The following CEP131 variants were observed in gnomAD, a reference collection of about 807,000 sequenced individuals.
CEP131 encodes centrosomal protein 131.
In CEP131, 99 loss-of-function variants were observed where a neutral mutation model predicts 136.8. The observed-to-expected ratio is 0.72, with a 90% CI of 0.62 to 0.86. CEP131 has a LOEUF of 0.86. CEP131 is among the 40% of genes least tolerant of loss of function. The probability of loss-of-function intolerance (pLI) is 0.00; values close to 1 mark genes in which losing one functional copy is unlikely to be tolerated. For synonymous variants in CEP131, 646 were observed against 612.7 expected (o/e 1.05, Z -0.80); for missense variants, 1,459 against 1,463.0 (o/e 1.00, Z 0.04).
chr17:81,220,355 C>T (rs1431898127), intron 1 of CEP131, among the ~76,000 whole-genome samples: 1 of 152,214 alleles, frequency 6.6e-6, no homozygotes, highest in Non-Finnish European at 1.5e-5. Flanking sequence ...AAGCCAGCAG[C>T]ACCCCAGAGG....
intron 10 of CEP131, 46 bp from the exon 11 acceptor site, chr17:81,199,017 C>T (rs1476266331): frequency 2.3e-5 from 34 of 1,453,124 alleles, no homozygotes; most frequent in Admixed American, 1.3e-4. Context: ...CATCCCGGGG[C>T]GGGCAGCAAC....
Position 81,199,774 on chromosome 17 carries a change from G to T in CEP131, c.968C>A (p.Ala323Asp). The T allele has an allele frequency of 6.2e-7, 1 of 1,611,530 alleles. No homozygotes were observed. The highest frequency in any genetic ancestry group is 8.5e-7 in the Non-Finnish European group (1 of 1,179,986). ...LLDLHQQKEA[A>D]RRKAREEKAR... ...CTTCTCCTCCCGGGCCTTCCTCCTG[G>T]CTGCCTCTTTCTGCTGGTGCAGGTC... The change falls in exon 9 of 26, where the codon GCC (alanine) becomes GAC (aspartate). Residue 323 changes from alanine to aspartate, a missense_variant. Physicochemically the swap from Ala to Asp is moderately radical, Grantham distance 126 (BLOSUM62 -2). This residue lies in a region of CEP131 where 246 missense variants were observed against 318.9 expected (regional missense o/e 0.77). Coordinates refer to ENST00000450824, the MANE Select transcript of CEP131 (RefSeq NM_014984.4).
rs759394551 is a variant in CEP131 at position 81,206,829 on chromosome 17, T to C, written c.430A>G (p.Ser144Gly). 1.9e-6 allele frequency: 3 copies of C among 1,614,052 alleles called. No individual in the cohort carries two copies. Among genetic ancestry groups the C allele is most frequent in the Non-Finnish European group, 2.5e-6 (3 of 1,180,018 alleles). Residue 144 changes from serine (S) to glycine (G), a missense_variant, in exon 5 of 26, where the codon AGT becomes GGT. By Grantham distance (56) the Ser-to-Gly change is moderately conservative (BLOSUM62 0). This residue lies in a region of CEP131 where 246 missense variants were observed against 318.9 expected (regional missense o/e 0.77). Transcript: ENST00000450824. ...RGFTLPSNAR[S>G]SSALDSPAGP... ...GCTGGTGAGTCAAGGGCACTGGAAC[T>C]CCGGGCATTGGATGGCAAGGTGAAG... is the stretch of plus-strand genomic sequence containing the variant.
chr17:81,204,396 C>T (rs9912789), intron 5 of CEP131, among the ~76,000 whole-genome samples: 66,321 of 151,910 alleles, frequency 0.44, 14,933 homozygotes, highest in Non-Finnish European at 0.49. Context: ...GGACTCGAAC[C>T]CTGGGGCGGG....
In CEP131 at chr17:81,191,221, C is replaced by T. The variant is rs1182435903; in HGVS notation, c.2737G>A (p.Glu913Lys). The T allele has an allele frequency of 2.0e-5, 32 of 1,613,040 alleles. No individual in the cohort carries two copies. Among genetic ancestry groups the T allele is most frequent in the Non-Finnish European group, 2.6e-5 (31 of 1,179,966 alleles). ...RLEADMALAK[E>K]ESEKAAESRI... is the part of the protein sequence containing the mutation. ...CTCTCGGCAGCCTTCTCACTCTCCT[C>T]CTTGGCCAGCGCCATGTCGGCCTCC... The change falls in exon 22 of 26, where the codon GAG becomes AAG. Residue 913 changes from glutamate to lysine, a missense_variant. This residue lies in a region of CEP131 where 1,026 missense variants were observed against 964.2 expected (regional missense o/e 1.06). Transcript: ENST00000450824.
In CEP131 at chr17:81,215,277, G is replaced by A. The variant is rs920374668; in HGVS notation, c.177+4603C>T. On this transcript the variant is annotated intron_variant, in intron 2 of 25. Coordinates refer to ENST00000450824, the MANE Select transcript of CEP131 (RefSeq NM_014984.4). This position sits in a 1 kb window ranked among gnomAD's most constrained non-coding sequence, Gnocchi z 4.1. ...ACTCGGCTAATTTTTTAATTTTTTT[G>A]TAGAGACAGGGGTCTCACTATGTTG... is the stretch of plus-strand genomic sequence containing the variant. Among the ~76,000 whole-genome samples the A allele has an allele frequency of 6.0e-5, 9 of 151,088 alleles. No individual in the cohort carries two copies. Among genetic ancestry groups the A allele is most frequent in the African/African-American group, 2.2e-4 (9 of 41,024 alleles).
At chr17:81,200,293 G>T (rs748410876) in intron 8 of CEP131, 36 bp downstream of exon 8, 1 of 1,524,998 alleles carries the variant, frequency 6.6e-7, no homozygotes, top group Non-Finnish European at 9.0e-7. Flanking sequence ...CAGACCCCCC[G>T]GGGGAGCATG....
At position 81,194,971 on chromosome 17, in the gene CEP131, T is replaced by G. The variant is rs1466261098; in HGVS notation, c.2018A>C (p.Glu673Ala). ...VAQAQAQHEL[E>A]IKKLKELMSA... ...CATTAATTCTTTGAGTTTTTTAATC[T>G]CCTACGAGCAGAACAGGGCAGGAGG... Residue 673 changes from glutamate (E) to alanine (A), a missense_variant and splice_region_variant, in exon 17 of 26, where the codon GAG becomes GCG. Glu to Ala is a moderately radical substitution (Grantham distance 107, BLOSUM62 -1). Coordinates refer to ENST00000450824, the MANE Select transcript of CEP131 (RefSeq NM_014984.4). The G allele has an allele frequency of 6.2e-7, 1 of 1,609,210 alleles. No homozygotes were observed. The highest frequency in any genetic ancestry group is 8.5e-7 in the Non-Finnish European group (1 of 1,179,144).
Position 81,208,562 on chromosome 17 carries a change from G to T in CEP131, c.272+366C>A, listed in dbSNP as rs956488007. Reference sequence around the variant, plus strand: ...AAAGGTGGGAACAGGGGCGCACAGCGTGGGGGTTCAGAAGGGTCACAGTGC... The same window carrying T: ...AAAGGTGGGAACAGGGGCGCACAGCTTGGGGGTTCAGAAGGGTCACAGTGC... On this transcript the variant is annotated intron_variant, in intron 3 of 25. Coordinates refer to ENST00000450824, the MANE Select transcript of CEP131 (RefSeq NM_014984.4). This position sits in a 1 kb window ranked among gnomAD's most constrained non-coding sequence, Gnocchi z 5.6. Among the ~76,000 whole-genome samples, 4 of 152,236 alleles carry T rather than the reference G, an allele frequency of 2.6e-5. No individual in the cohort carries two copies. The highest frequency in any genetic ancestry group is 5.9e-5 in the Non-Finnish European group (4 of 68,034).
Position 81,203,670 on chromosome 17 carries a change from A to G in CEP131, c.516-63T>C. Reference sequence around the variant, plus strand: ...CTGGAGGGGACGCCTGAGATCTCAGAGCTACACTCGCAGCACGGGCTGGGA... The same window carrying G: ...CTGGAGGGGACGCCTGAGATCTCAGGGCTACACTCGCAGCACGGGCTGGGA... On this transcript the variant is annotated intron_variant, in intron 5 of 25. Coordinates refer to ENST00000450824, the MANE Select transcript of CEP131 (RefSeq NM_014984.4). This position sits in a 1 kb window ranked among gnomAD's most constrained non-coding sequence, Gnocchi z 4.6. 1 of 1,312,986 alleles carries G rather than the reference A, an allele frequency of 7.6e-7. No individual in the cohort carries two copies. Among genetic ancestry groups the G allele is most frequent in the Non-Finnish European group, 1.1e-6 (1 of 941,148 alleles). The allele number at this position is 1,312,986 out of a possible 1,614,324, so 81.3% of individuals were successfully genotyped here. A position where few individuals can be genotyped will look rare whatever the true frequency, so the allele number is the denominator to read the frequency against.
chr17:81,206,266 G>A (rs76076343), intron 5 of CEP131, among the ~76,000 whole-genome samples: 8 of 151,576 alleles, frequency 5.3e-5, no homozygotes, highest in African/African-American at 1.2e-4. Flanking sequence ...ATAACCACAC[G>A]GTCTCTCCCC....
intron 17 of CEP131, 78 bp from the exon 18 acceptor site, chr17:81,194,205 T>C: frequency 7.4e-7 from 1 of 1,355,988 alleles, no homozygotes; most frequent in Admixed American, 3.1e-5. Flanking sequence ...AAGACCAGCC[T>C]GTCTCAGGCC....
At chr17:81,201,852 A>G (rs1358883335) in intron 7 of CEP131, among the ~76,000 whole-genome samples, 1 of 152,218 alleles carries the variant, frequency 6.6e-6, no homozygotes, top group Non-Finnish European at 1.5e-5. Context: ...CTGTAATCCC[A>G]GCACTTTGGG....
chr17:81,195,474 T>C (rs570292701), intron 16 of CEP131, among the ~76,000 whole-genome samples: 4 of 152,082 alleles, frequency 2.6e-5, no homozygotes, highest in South Asian at 4.2e-4. Flanking sequence ...GAGTCAATGC[T>C]CCACCGACAC....
intron 8 of CEP131, 62 bp from the exon 9 acceptor site, chr17:81,199,897 CAG>C (rs2061852110): frequency 6.5e-7 from 1 of 1,548,550 alleles, no homozygotes; most frequent in Non-Finnish European, 8.8e-7. Context: ...AGACCCAGAC[CAG>C]AGGTTTCCCC....
Position 81,202,260 on chromosome 17 carries a change from C to T in CEP131, c.768G>A (p.Val256=). 3.1e-6 allele frequency: 5 copies of T among 1,603,938 alleles called. No homozygotes were observed. The South Asian group carries it at 5.5e-5, about 18-fold the overall frequency. ...GTCACCTCTCAGCCTCCTCCTCCGTCACCTCCTTCCGCCTGGGCAAGCCCG... is the reference window on the plus strand; with the variant it reads ...GTCACCTCTCAGCCTCCTCCTCCGTTACCTCCTTCCGCCTGGGCAAGCCCG... ...GSTGLPRRKE[V]TEEEAERFIH... Residue 256 remains valine (V), a synonymous_variant, in exon 7 of 26, where the codon GTG becomes GTA. Transcript: ENST00000450824.
rs149291371 is a variant in CEP131 at position 81,221,077 on chromosome 17, A to C, written c.-17-1004T>G. ...TAGGCGGAGTTTACAGTGAGCCAAG[A>C]TCGTGACACTGCACTCCAGCCTGGG... On this transcript the variant is annotated intron_variant, in intron 1 of 25. Coordinates refer to ENST00000450824, the MANE Select transcript of CEP131 (RefSeq NM_014984.4). Among the ~76,000 whole-genome samples the C allele has an allele frequency of 3.2e-3, 456 of 142,920 alleles. 5 individuals are homozygous for C. Among genetic ancestry groups the C allele is most frequent in the African/African-American group, 0.011 (439 of 39,510 alleles). The allele number at this position is 142,920 out of a possible 152,430, so 93.8% of individuals were successfully genotyped here.
At chr17:81,213,558 CAA>C (rs35729341) in intron 2 of CEP131, among the ~76,000 whole-genome samples, 5 of 137,832 alleles carry the variant, frequency 3.6e-5, no homozygotes, top group Admixed American at 7.4e-5. Flanking sequence ...GACACTGTCT[CAA>C]AAAAAAAAAA....
Position 81,195,053 on chromosome 17 carries a change from G to A in CEP131, c.2017-81C>T, listed in dbSNP as rs760166346. ...CCACCCTGTGGGCACAGTCAGGGCC[G>A]GGCTTCCAGGTCCACCAGCACAAGG... is the stretch of plus-strand genomic sequence containing the variant. On this transcript the variant is annotated intron_variant, in intron 16 of 25. Transcript: ENST00000450824. The A allele has an allele frequency of 3.6e-4, 380 of 1,051,438 alleles. 3 individuals are homozygous for A. The Admixed American group carries it at 6.6e-3, about 18-fold the overall frequency. 65.1% of individuals were successfully genotyped at this position (1,051,438 alleles called of 1,614,324 possible). A position where few individuals can be genotyped will look rare whatever the true frequency, so the allele number is the denominator to read the frequency against.
Sources: gnomAD v4.1 joint callset for allele counts (sites outside exome capture counted in the v4.1 genomes callset) on GRCh38, gnomAD v4.1.1 for gene constraint, gnomAD v4.1.1 regional missense constraint, Gnocchi (gnomAD v3.1) non-coding constraint, MANE v1.5 for transcripts, NCBI Gene and HGNC (gene_info 2026-07-23, HGNC 2026-07-21) for gene names.